MTBP: variants seen among roughly 807,000 people sequenced by gnomAD.
MTBP encodes mdm2-binding protein.
Under a neutral mutation model 117.0 loss-of-function variants are expected in MTBP, and 101 were observed. The ratio of observed to expected loss-of-function variants is 0.86; its 90% confidence interval spans 0.73 to 1.02. The LOEUF (loss-of-function observed/expected upper bound fraction) is 1.02. MTBP is among the 50% of genes least tolerant of loss of function. The pLI, the probability that MTBP is intolerant of heterozygous loss-of-function variation, is 0.00. For missense variants in MTBP, 970 were observed against 1,030.9 expected, an observed-to-expected ratio of 0.94 and a Z score of 0.81; for synonymous variants, 350 against 351.5, an observed-to-expected ratio of 1.00 and a Z score of 0.05.
intron 11 of MTBP, among the ~76,000 whole-genome samples, chr8:120,482,915 G>A (rs1457233785): frequency 1.3e-5 from 2 of 151,496 alleles, no homozygotes; most frequent in African/African-American, 4.9e-5. Flanking sequence ...TAGCCAGGAT[G>A]GTCTTGATCT....
intron 14 of MTBP, among the ~76,000 whole-genome samples, chr8:120,498,451 A>G (rs1488046185): frequency 1.3e-5 from 2 of 152,222 alleles, no homozygotes; most frequent in South Asian, 2.1e-4. Flanking sequence ...GTGAGAGACC[A>G]TAGCTCCATG....
At chr8:120,497,677 G>A in intron 14 of MTBP, 123 bp downstream of exon 14, 1 of 625,548 alleles carries the variant, frequency 1.6e-6, no homozygotes, top group Non-Finnish European at 2.7e-6. Flanking sequence ...AATAATAATA[G>A]ATACTTATAT....
intron 13 of MTBP, among the ~76,000 whole-genome samples, chr8:120,496,721 G>GA (rs1260856587): frequency 1.4e-5 from 2 of 142,608 alleles, no homozygotes; most frequent in African/African-American, 2.5e-5. Context: ...AAAAAAAAAA[G>GA]AAAAAAAAAT....
At chr8:120,491,164 C>T (rs1814338124) in intron 13 of MTBP, among the ~76,000 whole-genome samples, 1 of 151,748 alleles carries the variant, frequency 6.6e-6, no homozygotes, top group Admixed American at 6.6e-5. Context: ...CATTTGTTGC[C>T]TAATTGAACT....
At chr8:120,516,500 G>A (rs1387869476) in intron 18 of MTBP, among the ~76,000 whole-genome samples, 1 of 151,964 alleles carries the variant, frequency 6.6e-6, no homozygotes, top group African/African-American at 2.4e-5. Flanking sequence ...GAGACTGTTT[G>A]GGGATGGGAG....
intron 15 of MTBP, among the ~76,000 whole-genome samples, chr8:120,503,005 A>G (rs1318008264): frequency 1.3e-5 from 2 of 152,244 alleles, no homozygotes; most frequent in Non-Finnish European, 2.9e-5. Flanking sequence ...ATGTTTATAC[A>G]GTGCCTATGA....
intron 7 of MTBP, 112 bp from the exon 8 acceptor site, chr8:120,459,103 A>C: frequency 1.1e-6 from 1 of 932,852 alleles, no homozygotes; most frequent in African/African-American, 1.7e-5. Context: ...GAGGAATCAA[A>C]AATAAATTTA....
At chr8:120,519,514 A>G (rs1170164793) in intron 20 of MTBP, among the ~76,000 whole-genome samples, 1 of 152,156 alleles carries the variant, frequency 6.6e-6, no homozygotes, top group African/African-American at 2.4e-5. Context: ...GATTATGTCC[A>G]GCCTTAGGAG....
chr8:120,518,281 A>T (rs966769957), intron 19 of MTBP, among the ~76,000 whole-genome samples, 181 bp downstream of exon 19: 1 of 152,088 alleles, frequency 6.6e-6, no homozygotes, highest in South Asian at 2.1e-4. Flanking sequence ...TTAGCCACAG[A>T]TTAATCATAC....
At chr8:120,514,525 C>T (rs1218551535) in intron 17 of MTBP, among the ~76,000 whole-genome samples, 2 of 152,016 alleles carry the variant, frequency 1.3e-5, no homozygotes, top group East Asian at 3.8e-4. Context: ...TTCTTGAAAG[C>T]TCTTCAGATG....
At chr8:120,518,868 C>T (rs927945535) in intron 20 of MTBP, 51 bp downstream of exon 20, 2 of 1,249,468 alleles carry the variant, frequency 1.6e-6, no homozygotes, top group Non-Finnish European at 2.3e-6. Context: ...TTCTAATGTT[C>T]CTGTTTGACA....
chr8:120,455,108 A>T (rs1813440079), intron 5 of MTBP, among the ~76,000 whole-genome samples: 1 of 151,854 alleles, frequency 6.6e-6, no homozygotes, highest in Admixed American at 6.5e-5. Context: ...AGCATTGATG[A>T]TCATGAGAGT....
chr8:120,484,771 G>A (rs1311284817), intron 11 of MTBP, among the ~76,000 whole-genome samples: 3 of 152,020 alleles, frequency 2.0e-5, no homozygotes, highest in Non-Finnish European at 4.4e-5. Flanking sequence ...TAATCTCCCC[G>A]GAAAGAAACC....
chr8:120,510,287 A>G (rs1038603237), intron 17 of MTBP, among the ~76,000 whole-genome samples: 1 of 152,166 alleles, frequency 6.6e-6, no homozygotes, highest in African/African-American at 2.4e-5. Flanking sequence ...TTTGGTCCCT[A>G]TGTTATAAAT....
rs574501592 is a variant in MTBP, at chr8:120,482,934, C to T, written c.1166-5225C>T. Among the ~76,000 whole-genome samples the T allele has an allele frequency of 8.6e-5, 13 of 151,458 alleles. No homozygotes were observed. The East Asian group carries it at 1.9e-3, about 23-fold the overall frequency. ...CAGGATGGTCTTGATCTCCTGACCT[C>T]GTGATCCATCCACCTCAGCCTCCCA... On this transcript the variant is annotated intron_variant, in intron 11 of 21. Coordinates refer to ENST00000305949, the MANE Select transcript of MTBP (RefSeq NM_022045.5).
intron 10 of MTBP, among the ~76,000 whole-genome samples, chr8:120,469,218 G>C (rs1368356999): frequency 6.6e-6 from 1 of 151,836 alleles, no homozygotes; most frequent in African/African-American, 2.4e-5. Context: ...GCTAATTTTT[G>C]TATCTTTAGT....
intron 9 of MTBP, among the ~76,000 whole-genome samples, chr8:120,463,359 A>G (rs1048090060): frequency 6.6e-6 from 1 of 152,192 alleles, no homozygotes; most frequent in Admixed American, 6.5e-5. Flanking sequence ...AACATTTTAT[A>G]TAAAAAGAAA....
Position 120,459,299 on chromosome 8 carries a change from T to C in MTBP, c.832T>C (p.Phe278Leu). 1 of 1,612,114 alleles carries C rather than the reference T, an allele frequency of 6.2e-7. No individual in the cohort carries two copies. Among genetic ancestry groups the C allele is most frequent in the East Asian group, 2.2e-5 (1 of 44,704 alleles). ...NFSTSNLNTD[F>L]LAKKIIPSKD... ...TAGTACTTCTAATTTAAATACTGACTTCCTTGCCAAAAAGATCATACCATC... is the reference window on the plus strand; with the variant it reads ...TAGTACTTCTAATTTAAATACTGACCTCCTTGCCAAAAAGATCATACCATC... Residue 278 changes from phenylalanine (F) to leucine (L), a missense_variant, in exon 8 of 22, where the codon TTC (phenylalanine) becomes CTC (leucine). Physicochemically the swap from Phe to Leu is conservative, Grantham distance 22 (BLOSUM62 0). Coordinates refer to ENST00000305949, the MANE Select transcript of MTBP (RefSeq NM_022045.5).
intron 13 of MTBP, among the ~76,000 whole-genome samples, chr8:120,491,350 A>G (rs1326120349): frequency 6.6e-6 from 1 of 152,166 alleles, no homozygotes; most frequent in African/African-American, 2.4e-5. Context: ...CCTATTCAAT[A>G]GAAGATAATT....
Sources: allele counts gnomAD v4.1 joint callset (sites outside exome capture counted in the v4.1 genomes callset), GRCh38; gene constraint gnomAD v4.1.1; transcripts MANE v1.5; gene names NCBI Gene and HGNC (gene_info 2026-07-23, HGNC 2026-07-21).